DHCR7: variants seen among roughly 807,000 people sequenced by gnomAD.
DHCR7 encodes the protein 7-dehydrocholesterol reductase.
In DHCR7, 40 loss-of-function variants were observed where a neutral mutation model predicts 43.3. The observed-to-expected ratio is 0.92, with a 90% CI of 0.72 to 1.20. DHCR7 has a LOEUF of 1.20. Ranked by LOEUF, DHCR7 falls within the 50% of genes most tolerant of loss-of-function variation. The pLI is 0.00. For synonymous variants in DHCR7, 298 were observed against 271.4 expected, an observed-to-expected ratio of 1.10 and a Z score of -0.96; for missense variants, 608 against 644.6, an observed-to-expected ratio of 0.94 and a Z score of 0.62.
At chr11:71,441,494 C>T (rs1053168933) in intron 5 of DHCR7, 54 bp from the exon 6 acceptor site, 1 of 1,428,380 alleles carries the variant, frequency 7.0e-7, no homozygotes. Flanking sequence ...CAGTGAGGAG[C>T]TTGGCTGGGC....
At chr11:71,443,079 C>T (rs1056119589) in intron 4 of DHCR7, among the ~76,000 whole-genome samples, 7 of 152,222 alleles carry the variant, frequency 4.6e-5, no homozygotes, top group South Asian at 4.1e-4. Context: ...TGGCTTCTCT[C>T]GCTCAGCAGT....
At chr11:71,433,260 T>C (rs988641108), downstream of DHCR7, among the ~76,000 whole-genome samples, 1 of 152,208 alleles carries the variant, frequency 6.6e-6, no homozygotes, top group African/African-American at 2.4e-5. Flanking sequence ...TGGTAGAGGC[T>C]GGCACTGTCT....
At chr11:71,446,821 G>A (rs139168803) in intron 2 of DHCR7, among the ~76,000 whole-genome samples, 722 of 152,294 alleles carry the variant, frequency 4.7e-3, no homozygotes, top group Non-Finnish European at 7.4e-3. Context: ...GTCTCTCTCC[G>A]GCCCCAAATA....
At chr11:71,443,954 C>T in intron 4 of DHCR7, 39 bp downstream of exon 4, 1 of 1,553,660 alleles carries the variant, frequency 6.4e-7, no homozygotes, top group South Asian at 1.2e-5. Flanking sequence ...GCACGCTCCC[C>T]ACCTGCTGTG....
In DHCR7 at chr11:71,441,908, A is replaced by G. The variant is rs565720727; in HGVS notation, c.412+355T>C. On this transcript the variant is annotated intron_variant, in intron 5 of 8. Coordinates refer to ENST00000355527, the MANE Select transcript of DHCR7 (RefSeq NM_001360.3). Reference sequence around the variant, plus strand: ...AAGCCAGGCTCCTCGTGGGTTCTCAATGATGGCAAGGAATGAACAGACAAG... The same window carrying G: ...AAGCCAGGCTCCTCGTGGGTTCTCAGTGATGGCAAGGAATGAACAGACAAG... 9.0e-4 allele frequency among the ~76,000 whole-genome samples: 137 copies of G among 152,302 alleles called. 1 individual carries two copies. The highest frequency in any genetic ancestry group is 4.6e-3 in the South Asian group (22 of 4,826).
chr11:71,439,177 G>A (rs1949323399), intron 6 of DHCR7, 94 bp from the exon 7 acceptor site: 2 of 1,198,050 alleles, frequency 1.7e-6, no homozygotes, highest in Admixed American at 2.0e-5. Flanking sequence ...CTGGCCCAGG[G>A]TCCTAAAGGG....
chr11:71,437,914 G>T lies in DHCR7; in HGVS notation c.861C>A (p.Asn287Lys), dbSNP rs766495775. The stretch of plus-strand genomic sequence containing the variant: ...CAATGGTCTTCAGGTACCAGGTTTC[G>T]TTCCAGAAGAAGTCAATCACGTAGA... ...QAIYVIDFFWNETWYLKTIDI... is the reference protein window; with the variant it reads ...QAIYVIDFFWKETWYLKTIDI... Residue 287 changes from asparagine (N) to lysine (K), a missense_variant, in exon 8 of 9, where the codon AAC (asparagine) becomes AAA (lysine). By Grantham distance (94) the Asn-to-Lys change is moderately conservative. Transcript: ENST00000355527. 16 of 1,613,658 alleles carry T rather than the reference G, an allele frequency of 9.9e-6. No homozygotes were observed. The highest frequency in any genetic ancestry group is 1.3e-5 in the Non-Finnish European group (15 of 1,180,020).
At chr11:71,443,848 G>A (rs1949374126) in intron 4 of DHCR7, 145 bp downstream of exon 4, 1 of 637,476 alleles carries the variant, frequency 1.6e-6, no homozygotes. Context: ...ACATGTCAGA[G>A]TCCAGGGAAT....
At chr11:71,447,272 C>T (rs528797058) in intron 2 of DHCR7, among the ~76,000 whole-genome samples, 63 of 152,276 alleles carry the variant, frequency 4.1e-4, no homozygotes, top group African/African-American at 1.5e-3. Context: ...GATGTGTAAC[C>T]TCAGAACTAA....
At chr11:71,444,825 T>C in intron 3 of DHCR7, 30 bp downstream of exon 3, 1 of 1,596,632 alleles carries the variant, frequency 6.3e-7, no homozygotes, top group South Asian at 1.1e-5. Context: ...CACTTTACTT[T>C]CTAGCTGGGA....
chr11:71,448,808 G>C (rs1949433912), upstream of DHCR7: 1 of 152,414 alleles, frequency 6.6e-6, no homozygotes, highest in East Asian at 1.9e-4. Flanking sequence ...CCGGTGCACC[G>C]CAAGGAGCAA....
intron 2 of DHCR7, among the ~76,000 whole-genome samples, chr11:71,446,766 T>G (rs1164852413): frequency 6.6e-6 from 1 of 152,246 alleles, no homozygotes; most frequent in Admixed American, 6.5e-5. Context: ...GCAGTTCCTA[T>G]GATGCACAAA....
At chr11:71,441,137 C>T in intron 6 of DHCR7, 90 bp downstream of exon 6, 3 of 1,247,898 alleles carry the variant, frequency 2.4e-6, no homozygotes, top group East Asian at 4.7e-5. Flanking sequence ...GTGCTCAGGG[C>T]TTTACAACCA....
At chr11:71,439,932 C>T (rs759113249) in intron 6 of DHCR7, among the ~76,000 whole-genome samples, 43 of 152,216 alleles carry the variant, frequency 2.8e-4, no homozygotes, top group Non-Finnish European at 4.0e-4. Context: ...GTAAACCACA[C>T]TGGGGTTTTT....
rs770904640 is a variant in DHCR7 at position 71,443,978 on chromosome 11, G to A, written c.321+15C>T. On this transcript the variant is annotated intron_variant, in intron 4 of 8. Transcript: ENST00000355527. Reference sequence around the variant, plus strand: ...CCACCTGCTGTGTCCCAACCCCAGGGCAGGGGCTGCTGACCTGGAAGGTGA... The same window carrying A: ...CCACCTGCTGTGTCCCAACCCCAGGACAGGGGCTGCTGACCTGGAAGGTGA... The A allele has an allele frequency of 9.4e-6, 15 of 1,602,924 alleles. No homozygotes were observed. The highest frequency in any genetic ancestry group is 1.3e-5 in the Non-Finnish European group (15 of 1,173,254).
Position 71,435,595 on chromosome 11 carries a change from G to C in DHCR7, c.1208C>G (p.Ala403Gly). Residue 403 changes from alanine (A) to glycine (G), a missense_variant, in exon 9 of 9, where the codon GCC becomes GGC. By Grantham distance (60) the Ala-to-Gly change is moderately conservative. Coordinates refer to ENST00000355527, the MANE Select transcript of DHCR7 (RefSeq NM_001360.3). ...KLLVSGFWGVARHFNYVGDLM... is the reference protein window; with the variant it reads ...KLLVSGFWGVGRHFNYVGDLM... ...GTCGCCGACGTAGTTGAAGTGGCGG[G>C]CCACGCCCCAGAAGCCCGACACCAG... 6.2e-7 allele frequency: 1 copy of C among 1,608,222 alleles called. No homozygotes were observed. Among genetic ancestry groups the C allele is most frequent in the African/African-American group, 1.3e-5 (1 of 75,048 alleles).
intron 6 of DHCR7, among the ~76,000 whole-genome samples, 157 bp from the exon 7 acceptor site, chr11:71,439,240 G>A (rs1029024215): frequency 1.5e-4 from 23 of 152,188 alleles, no homozygotes; most frequent in Non-Finnish European, 2.6e-4. Flanking sequence ...GGACCCCCAC[G>A]GCTGGAATGC....
chr11:71,430,470 A>G (rs1286005396), downstream of DHCR7, among the ~76,000 whole-genome samples: 1 of 150,178 alleles, frequency 6.7e-6, no homozygotes, highest in Admixed American at 6.7e-5. Context: ...AGGCAGTGTT[A>G]CAGTGCTCCT....
At position 71,444,101 on chromosome 11, in the gene DHCR7, A is replaced by G. The variant is rs1418528138; in HGVS notation, c.213T>C (p.Pro71=). The stretch of plus-strand genomic sequence containing the variant: ...CATGTCCGGTGACGATGTCCACCAC[A>G]GGGCCAGTCAGGGCGCAGCTGTACT... The part of the protein sequence containing the change: ...CDQYSCALTG[P]VVDIVTGHAR... The change falls in exon 4 of 9, where the codon CCT becomes CCC. Residue 71 remains proline (P), a synonymous_variant. Coordinates refer to ENST00000355527, the MANE Select transcript of DHCR7 (RefSeq NM_001360.3). The G allele has an allele frequency of 2.5e-6, 4 of 1,612,556 alleles. No homozygotes were observed. The highest frequency in any genetic ancestry group is 3.4e-6 in the Non-Finnish European group (4 of 1,179,396).
Sources: allele counts gnomAD v4.1 joint callset (sites outside exome capture counted in the v4.1 genomes callset), GRCh38; gene constraint gnomAD v4.1.1; transcripts MANE v1.5; gene names NCBI Gene and HGNC (gene_info 2026-07-23, HGNC 2026-07-21).